Variants in PCDHA13 observed in about 807,000 individuals in gnomAD.
The protein encoded by PCDHA13 is protocadherin alpha 13.
PCDHA13 carries 54 observed loss-of-function variants against 64.8 expected under a neutral mutation model. The ratio of observed to expected loss-of-function variants is 0.83; its 90% CI spans 0.67 to 1.04. PCDHA13 has a LOEUF of 1.04. PCDHA13 is among the 50% of genes least tolerant of loss of function. The probability of loss-of-function intolerance (pLI) is 0.00; values close to 1 mark genes in which losing one functional copy is unlikely to be tolerated. For synonymous variants in PCDHA13, 587 were observed against 564.4 expected (o/e 1.04, Z -0.57); for missense variants, 1,248 against 1,254.3 (o/e 0.99, Z 0.08).
chr5:140,925,964 CA>C lies in PCDHA13; in HGVS notation c.2394+41311del, dbSNP rs782520997. Among the ~76,000 whole-genome samples the C allele has an allele frequency of 8.1e-3, 1,224 of 150,190 alleles. 5 individuals carry two copies. The highest frequency in any genetic ancestry group is 0.019 in the African/African-American group (788 of 40,962). ...TGGAGAAGGAGAAACTGCTATCACG[CA>C]AAAAAAAAGCCTTGAGCTCGCTGGC... On this transcript the variant is annotated intron_variant, in intron 1 of 3. Transcript: ENST00000289272.
At chr5:140,969,470 T>G in intron 1 of PCDHA13, 1 of 1,483,706 alleles carries the variant, frequency 6.7e-7, no homozygotes, top group African/African-American at 1.4e-5. Context: ...TATCCACAAT[T>G]TGATCATAAT....
chr5:140,934,337 A>G (rs1404340648), intron 1 of PCDHA13, among the ~76,000 whole-genome samples: 1 of 152,128 alleles, frequency 6.6e-6, no homozygotes, highest in African/African-American at 2.4e-5. Context: ...TGTAATAACC[A>G]CCAGTACAGT....
rs1181136155 is a variant in PCDHA13, at chr5:140,966,778, G to C, written c.2395-12171G>C. Reference sequence around the variant, plus strand: ...CGCGGCCAGTGGCTATGGAGCAGGCGGGCACCAGACCTGCGGCGACAGAGC... The same window carrying C: ...CGCGGCCAGTGGCTATGGAGCAGGCCGGCACCAGACCTGCGGCGACAGAGC... On this transcript the variant is annotated intron_variant, in intron 1 of 3. Transcript: ENST00000289272. The C allele has an allele frequency of 4.0e-6, 6 of 1,512,380 alleles. No homozygotes were observed. The African/African-American group carries it at 8.3e-5, about 21-fold the overall frequency. The allele number at this position is 1,512,380 out of a possible 1,614,324, so 93.7% of individuals were successfully genotyped here. A position where few individuals can be genotyped will look rare whatever the true frequency, so the allele number is the denominator to read the frequency against.
rs146952531 is a variant in PCDHA13 at position 140,951,754 on chromosome 5, G to A, written c.2395-27195G>A. Among the ~76,000 whole-genome samples the A allele has an allele frequency of 4.6e-3, 703 of 152,152 alleles. 3 individuals are homozygous for A. The highest frequency in any genetic ancestry group is 0.016 in the African/African-American group (681 of 41,502). ...TTCTGCCACTGCCCTCACCCTCCGC[G>A]AAATCTCATGACGTTCTTACATTGC... On this transcript the variant is annotated intron_variant, in intron 1 of 3. Transcript: ENST00000289272.
intron 3 of PCDHA13, among the ~76,000 whole-genome samples, chr5:140,990,966 A>G (rs2097424130): frequency 6.6e-6 from 1 of 152,214 alleles, no homozygotes; most frequent in Non-Finnish European, 1.5e-5. Context: ...GTCTCTTAGA[A>G]CAAGAGAAAG....
intron 1 of PCDHA13, chr5:140,927,708 A>G: frequency 6.2e-7 from 1 of 1,614,202 alleles, no homozygotes; most frequent in Non-Finnish European, 8.5e-7. Context: ...AGTACTCCCT[A>G]AGCAACAGCA....
intron 1 of PCDHA13, among the ~76,000 whole-genome samples, chr5:140,886,080 C>A (rs910230815): frequency 3.7e-4 from 56 of 152,268 alleles, no homozygotes; most frequent in African/African-American, 1.2e-3. Flanking sequence ...CATACCACAA[C>A]CTGGATATTG....
chr5:140,891,440 G>T (rs1583052190), intron 1 of PCDHA13, among the ~76,000 whole-genome samples: 1 of 147,558 alleles, frequency 6.8e-6, no homozygotes, highest in Admixed American at 6.9e-5. Flanking sequence ...AACGTCCATT[G>T]TATAGGATTT....
rs1377792748 is a variant in PCDHA13 at position 140,968,353 on chromosome 5, C to T, written c.2395-10596C>T. ...ATGTCTCCATTAACAGTGCCAGTGGCAGCCTTTATGCTGTCAACTCCTTTG... is the reference window on the plus strand; with the variant it reads ...ATGTCTCCATTAACAGTGCCAGTGGTAGCCTTTATGCTGTCAACTCCTTTG... On this transcript the variant is annotated intron_variant, in intron 1 of 3. Coordinates refer to ENST00000289272, the MANE Select transcript of PCDHA13 (RefSeq NM_018904.3). 1.9e-6 allele frequency: 3 copies of T among 1,613,988 alleles called. No individual in the cohort carries two copies. In the African/African-American group the frequency reaches 4.0e-5, roughly 22 times the overall value.
intron 3 of PCDHA13, among the ~76,000 whole-genome samples, chr5:141,004,848 CAG>C (rs1554259777): frequency 6.6e-6 from 1 of 152,190 alleles, no homozygotes; most frequent in Non-Finnish European, 1.5e-5. Context: ...TCATTAGTCT[CAG>C]AGAAAAAATT....
chr5:140,893,656 TA>T (rs1241356048), intron 1 of PCDHA13, among the ~76,000 whole-genome samples: 28 of 152,340 alleles, frequency 1.8e-4, no homozygotes, highest in Admixed American at 1.6e-3. Flanking sequence ...CTGATAGTTT[TA>T]AAAAATTTCA....
chr5:140,972,660 A>ATTTT (rs11350929), intron 1 of PCDHA13, among the ~76,000 whole-genome samples: 3 of 117,268 alleles, frequency 2.6e-5, no homozygotes, highest in Admixed American at 9.2e-5. Context: ...AAGAAACCAA[A>ATTTT]TTTTTTTTTT....
intron 1 of PCDHA13, chr5:140,967,828 CATCGTGG>C: frequency 6.2e-7 from 1 of 1,614,146 alleles, no homozygotes. Flanking sequence ...TGCTGGTGGA[CATCGTGG>C]ACGTGAATGA....
intron 1 of PCDHA13, among the ~76,000 whole-genome samples, chr5:140,937,039 CTTT>C (rs34994034): frequency 1.4e-5 from 2 of 140,152 alleles, no homozygotes; most frequent in African/African-American, 5.3e-5. Flanking sequence ...TTCCATTTAT[CTTT>C]TTTTTTTTTT....
At chr5:140,889,424 A>AT (rs1554183891) in intron 1 of PCDHA13, among the ~76,000 whole-genome samples, 2 of 151,956 alleles carry the variant, frequency 1.3e-5, no homozygotes, top group Non-Finnish European at 2.9e-5. Flanking sequence ...CGTAGATAAT[A>AT]TTTTTTCAGG....
At chr5:140,951,431 G>A (rs1003684083) in intron 1 of PCDHA13, among the ~76,000 whole-genome samples, 1 of 152,044 alleles carries the variant, frequency 6.6e-6, no homozygotes, top group Non-Finnish European at 1.5e-5. Context: ...TCCACAGGCT[G>A]TAGGAAGCAT....
At chr5:140,982,688 ATACATACATGATTTCCT>A in intron 3 of PCDHA13, 125 bp downstream of exon 3, 1 of 1,415,764 alleles carries the variant, frequency 7.1e-7, no homozygotes, top group African/African-American at 1.4e-5. Flanking sequence ...CCTTTTTTCC[ATACATACATGATTTCCT>A]TACATATATG....
chr5:140,960,788 G>A (rs1268913888), intron 1 of PCDHA13, among the ~76,000 whole-genome samples: 1 of 152,086 alleles, frequency 6.6e-6, no homozygotes, highest in Non-Finnish European at 1.5e-5. Context: ...GCCAAACAAG[G>A]TTTCTATTAA....
At chr5:140,971,630 C>A (rs1281130153) in intron 1 of PCDHA13, among the ~76,000 whole-genome samples, 1 of 151,972 alleles carries the variant, frequency 6.6e-6, no homozygotes, top group Non-Finnish European at 1.5e-5. Context: ...ACAATTAGTA[C>A]CATGTGCCTA....
Sources: allele counts gnomAD v4.1 joint callset (sites outside exome capture counted in the v4.1 genomes callset), GRCh38; gene constraint gnomAD v4.1.1; transcripts MANE v1.5; gene names NCBI Gene and HGNC (gene_info 2026-07-23, HGNC 2026-07-21).